Variants in ROBO1 observed in about 807,000 individuals in gnomAD.
The protein encoded by ROBO1 is roundabout homolog 1.
In ROBO1, 149 loss-of-function variants were observed where a neutral mutation model predicts 195.9. The ratio of observed to expected loss-of-function variants is 0.76; its 90% CI spans 0.67 to 0.87. The LOEUF is 0.87. Ranked by LOEUF, ROBO1 falls within the 40% of genes least tolerant of loss-of-function variation. ROBO1 has a pLI of 0.00. For synonymous variants in ROBO1, 816 were observed against 733.2 expected, an observed-to-expected ratio of 1.11 and a Z score of -1.82; for missense variants, 1,933 against 2,068.3, an observed-to-expected ratio of 0.93 and a Z score of 1.27.
chr3:79,435,631 G>T (rs1156571029), intron 2 of ROBO1, among the ~76,000 whole-genome samples: 1 of 152,102 alleles, frequency 6.6e-6, no homozygotes, highest in Non-Finnish European at 1.5e-5. Context: ...ATTCCTGTAG[G>T]AACCACCAGA....
At chr3:79,571,645 CAT>C (rs1403962878) in intron 2 of ROBO1, among the ~76,000 whole-genome samples, 1 of 144,184 alleles carries the variant, frequency 6.9e-6, no homozygotes, top group Admixed American at 6.8e-5. Context: ...GTTTTCAAAA[CAT>C]AAAGTGATGT....
chr3:78,614,640 G>A lies in ROBO1; in HGVS notation c.4435+8C>T, dbSNP rs759392835. 1.2e-5 allele frequency: 19 copies of A among 1,612,952 alleles called. No homozygotes were observed. The highest frequency in any genetic ancestry group is 2.2e-5 in the East Asian group (1 of 44,846). On this transcript the variant is annotated splice_region_variant and intron_variant, in intron 28 of 30. Coordinates refer to ENST00000464233, the MANE Select transcript of ROBO1 (RefSeq NM_002941.4). ...CATAGACGTTTTCATCCGTGTCAAT[G>A]GACTCACCATCTGTGTAGGTTTCTC...
intron 1 of ROBO1, among the ~76,000 whole-genome samples, chr3:79,746,382 A>C (rs1703877829): frequency 6.6e-6 from 1 of 152,034 alleles, no homozygotes; most frequent in African/African-American, 2.4e-5. Context: ...TACAAGCATT[A>C]ATTAATTTGT....
chr3:79,603,648 G>A (rs1486248513), intron 1 of ROBO1, among the ~76,000 whole-genome samples: 1 of 151,934 alleles, frequency 6.6e-6, no homozygotes, highest in African/African-American at 2.4e-5. Flanking sequence ...CACTGAGATT[G>A]GTCTAATGCT....
intron 2 of ROBO1, among the ~76,000 whole-genome samples, chr3:79,456,546 AT>A (rs2039625483): frequency 1.3e-5 from 2 of 152,090 alleles, no homozygotes; most frequent in Admixed American, 1.3e-4. Context: ...GTTATCTCCT[AT>A]TTTTATTTTG....
At chr3:79,302,670 A>G (rs916248352) in intron 2 of ROBO1, among the ~76,000 whole-genome samples, 11 of 152,224 alleles carry the variant, frequency 7.2e-5, no homozygotes, top group Admixed American at 4.6e-4. Flanking sequence ...AAATATTGCA[A>G]GAGAAAGAGT....
At chr3:79,711,224 T>C (rs1339530966) in intron 1 of ROBO1, among the ~76,000 whole-genome samples, 2 of 152,258 alleles carry the variant, frequency 1.3e-5, no homozygotes, top group Non-Finnish European at 2.9e-5. Flanking sequence ...GTTATAGAAC[T>C]CATTGAACTC....
intron 2 of ROBO1, among the ~76,000 whole-genome samples, chr3:79,544,293 T>C (rs2107650896): frequency 6.6e-6 from 1 of 152,054 alleles, no homozygotes; most frequent in East Asian, 1.9e-4. Flanking sequence ...TCTCACATTA[T>C]GGTTTTAATT....
At chr3:79,736,046 TA>T (rs1207806172) in intron 1 of ROBO1, among the ~76,000 whole-genome samples, 20 of 151,978 alleles carry the variant, frequency 1.3e-4, no homozygotes, top group Admixed American at 1.2e-3. Flanking sequence ...AGTGCGTGTG[TA>T]AAAAAAATTA....
chr3:78,735,570 C>A (rs1351024129), intron 5 of ROBO1, among the ~76,000 whole-genome samples: 1 of 152,068 alleles, frequency 6.6e-6, no homozygotes, highest in Admixed American at 6.6e-5. Context: ...TAATAACATG[C>A]AGAATGTACA....
chr3:79,506,398 T>TA (rs1940397755), intron 2 of ROBO1, among the ~76,000 whole-genome samples: 1 of 152,118 alleles, frequency 6.6e-6, no homozygotes, highest in African/African-American at 2.4e-5. Context: ...CAGAAAAAGT[T>TA]ACTCATCAGA....
chr3:78,780,145 T>C (rs1486639291), intron 4 of ROBO1, among the ~76,000 whole-genome samples: 1 of 151,970 alleles, frequency 6.6e-6, no homozygotes, highest in Non-Finnish European at 1.5e-5. Context: ...TTAGGAGAAA[T>C]ACCTAATGTA....
intron 3 of ROBO1, among the ~76,000 whole-genome samples, chr3:79,003,494 C>T (rs2077552075): frequency 6.6e-6 from 1 of 151,710 alleles, no homozygotes; most frequent in African/African-American, 2.4e-5. Flanking sequence ...CAAAACATGC[C>T]GAACACTCTT....
intron 5 of ROBO1, among the ~76,000 whole-genome samples, chr3:78,730,444 A>T (rs2082261149): frequency 8.2e-6 from 1 of 121,944 alleles, no homozygotes; most frequent in African/African-American, 2.5e-5. Flanking sequence ...ACAGAAATGC[A>T]TTTTTTATTC....
At chr3:79,035,181 T>G (rs935013183) in intron 3 of ROBO1, among the ~76,000 whole-genome samples, 13 of 152,062 alleles carry the variant, frequency 8.5e-5, no homozygotes, top group Admixed American at 7.2e-4. Flanking sequence ...ATAAAATGAG[T>G]ATTATAATAA....
intron 4 of ROBO1, among the ~76,000 whole-genome samples, chr3:78,935,801 C>T (rs1292725864): frequency 2.0e-5 from 3 of 152,100 alleles, no homozygotes; most frequent in East Asian, 1.9e-4. Flanking sequence ...TTTAAAATCA[C>T]ATTTGTGCAT....
chr3:79,113,139 T>C (rs2079920896), intron 3 of ROBO1, among the ~76,000 whole-genome samples: 1 of 152,126 alleles, frequency 6.6e-6, no homozygotes, highest in South Asian at 2.1e-4. Flanking sequence ...TCTCTGAGCT[T>C]CTTTAAAGAA....
chr3:79,448,259 A>C (rs933169670), intron 2 of ROBO1, among the ~76,000 whole-genome samples: 1 of 152,202 alleles, frequency 6.6e-6, no homozygotes, highest in Non-Finnish European at 1.5e-5. Flanking sequence ...GCTCTAGTCA[A>C]GGGAAAGATT....
intron 3 of ROBO1, among the ~76,000 whole-genome samples, chr3:79,111,024 T>C (rs2079876455): frequency 6.6e-6 from 1 of 152,160 alleles, no homozygotes; most frequent in African/African-American, 2.4e-5. Context: ...AGCCAATTAC[T>C]ACAAGCCTCT....
Sources: gnomAD v4.1 joint callset for allele counts (sites outside exome capture counted in the v4.1 genomes callset) on GRCh38, gnomAD v4.1.1 for gene constraint, MANE v1.5 for transcripts, NCBI Gene and HGNC (gene_info 2026-07-23, HGNC 2026-07-21) for gene names.